Variants in WWOX observed in about 807,000 individuals in gnomAD.
WWOX encodes the protein WW domain-containing oxidoreductase.
A neutral mutation model predicts 46.2 loss-of-function variants in WWOX; 69 were observed. That is an observed-to-expected ratio of 1.49 (90% CI 1.23 to 1.82). WWOX has a LOEUF of 1.82. WWOX is among the 40% of genes most tolerant of loss of function. The probability of loss-of-function intolerance (pLI) is 0.00; values close to 1 mark genes in which losing one functional copy is unlikely to be tolerated. For missense variants in WWOX, 919 were observed against 542.6 expected, an observed-to-expected ratio of 1.69 and a Z score of -6.89; for synonymous variants, 359 against 202.6, an observed-to-expected ratio of 1.77 and a Z score of -6.56.
At chr16:78,172,659 A>G (rs17572451) in intron 5 of WWOX, among the ~76,000 whole-genome samples, 10,206 of 150,870 alleles carry the variant, frequency 0.068, 391 homozygotes, top group Non-Finnish European at 0.094. Context: ...ATATCCATGT[A>G]ACCTTTGTAT....
intron 8 of WWOX, among the ~76,000 whole-genome samples, chr16:78,948,764 G>A (rs761859040): frequency 6.6e-5 from 10 of 152,204 alleles, no homozygotes; most frequent in African/African-American, 1.2e-4. Flanking sequence ...GTGGTGTTAC[G>A]TAACATGACA....
At chr16:78,513,414 G>A (rs966663372) in intron 8 of WWOX, among the ~76,000 whole-genome samples, 4 of 152,180 alleles carry the variant, frequency 2.6e-5, no homozygotes, top group South Asian at 2.1e-4. Flanking sequence ...GGGGGAATCA[G>A]TGAGGCTAGG....
intron 8 of WWOX, among the ~76,000 whole-genome samples, chr16:78,612,647 T>C (rs2045928207): frequency 6.6e-6 from 1 of 152,124 alleles, no homozygotes; most frequent in Admixed American, 6.5e-5. Flanking sequence ...ATTTTTAATT[T>C]TAGTTTCTGT....
chr16:79,014,714 G>T (rs1000049374), intron 8 of WWOX, among the ~76,000 whole-genome samples: 1 of 152,192 alleles, frequency 6.6e-6, no homozygotes, highest in African/African-American at 2.4e-5. Flanking sequence ...CCAAGGCATA[G>T]AAATTGAGTC....
intron 4 of WWOX, among the ~76,000 whole-genome samples, chr16:78,141,414 C>A (rs540332364): frequency 2.0e-5 from 3 of 148,870 alleles, no homozygotes; most frequent in East Asian, 4.1e-4. Context: ...TGGATGTCAA[C>A]CCCACCATCC....
intron 5 of WWOX, among the ~76,000 whole-genome samples, chr16:78,225,277 T>C (rs2037014137): frequency 6.6e-6 from 1 of 152,156 alleles, no homozygotes; most frequent in South Asian, 2.1e-4. Flanking sequence ...CACCTAAACA[T>C]AGAAAAGGTA....
chr16:78,536,940 A>G (rs1270555252), intron 8 of WWOX, among the ~76,000 whole-genome samples: 2 of 136,316 alleles, frequency 1.5e-5, no homozygotes, highest in Admixed American at 8.0e-5. Context: ...TTTGAGAGAG[A>G]GAGTCTCACT....
intron 8 of WWOX, among the ~76,000 whole-genome samples, chr16:79,021,535 A>G (rs762630431): frequency 1.3e-5 from 2 of 152,238 alleles, no homozygotes; most frequent in Non-Finnish European, 2.9e-5. Flanking sequence ...ATTAAAGAAC[A>G]CAGCTCATGG....
chr16:78,387,345 C>G (rs1224819611), intron 6 of WWOX, among the ~76,000 whole-genome samples: 1 of 152,160 alleles, frequency 6.6e-6, no homozygotes, highest in Non-Finnish European at 1.5e-5. Context: ...GGGAGGTTGA[C>G]AATCCAAGCA....
At chr16:78,813,452 A>G (rs1212923726) in intron 8 of WWOX, among the ~76,000 whole-genome samples, 3 of 152,178 alleles carry the variant, frequency 2.0e-5, no homozygotes, top group Non-Finnish European at 4.4e-5. Flanking sequence ...GCTAGAGTCC[A>G]AGATCATCTA....
chr16:78,879,032 A>G (rs372170401), intron 8 of WWOX, among the ~76,000 whole-genome samples: 2 of 152,078 alleles, frequency 1.3e-5, no homozygotes, highest in East Asian at 3.9e-4. Flanking sequence ...GTGTCACTAC[A>G]CTTCACCCTG....
intron 8 of WWOX, among the ~76,000 whole-genome samples, chr16:78,968,926 A>G (rs2046416190): frequency 6.6e-6 from 1 of 152,216 alleles, no homozygotes; most frequent in Non-Finnish European, 1.5e-5. Flanking sequence ...AAAGAAAAAA[A>G]AAAAAGACAA....
chr16:78,928,785 C>A (rs934674006), intron 8 of WWOX, among the ~76,000 whole-genome samples: 2 of 152,054 alleles, frequency 1.3e-5, no homozygotes, highest in African/African-American at 2.4e-5. Context: ...TTTCAGTGAT[C>A]GTGCAAGCCT....
chr16:78,848,638 A>C (rs1244875905), intron 8 of WWOX, among the ~76,000 whole-genome samples: 1 of 152,156 alleles, frequency 6.6e-6, no homozygotes, highest in Non-Finnish European at 1.5e-5. Context: ...GGCCAAATTT[A>C]GCCTAATTAA....
At chr16:78,406,319 TATATATATATATATATATATATATATATA>T (rs1567553342) in intron 6 of WWOX, among the ~76,000 whole-genome samples, 7 of 77,598 alleles carry the variant, frequency 9.0e-5, no homozygotes, top group African/African-American at 7.6e-4. Context: ...TATATATATA[TATATATATATATATATATATATATATATA>T]TATATATTTT....
At chr16:78,262,936 A>G (rs1282584565) in intron 5 of WWOX, among the ~76,000 whole-genome samples, 13 of 152,322 alleles carry the variant, frequency 8.5e-5, no homozygotes. Flanking sequence ...ACTATCAAAC[A>G]ACAAGGAGAG....
intron 8 of WWOX, among the ~76,000 whole-genome samples, chr16:78,736,380 C>T (rs1279977032): frequency 2.0e-5 from 3 of 152,106 alleles, no homozygotes; most frequent in Non-Finnish European, 4.4e-5. Context: ...GTCACAAAAG[C>T]TAGGAAATGG....
chr16:78,476,784 G>A (rs1434248723), intron 8 of WWOX, among the ~76,000 whole-genome samples: 1 of 152,084 alleles, frequency 6.6e-6, no homozygotes, highest in African/African-American at 2.4e-5. Context: ...TAAGGGCTAA[G>A]TAGCCAACAC....
intron 8 of WWOX, among the ~76,000 whole-genome samples, chr16:79,008,838 G>T (rs8056767): frequency 2.6e-5 from 4 of 152,182 alleles, no homozygotes. Flanking sequence ...AGACCAGGGG[G>T]CCCCGATCAG....
Sources: gnomAD v4.1 joint callset for allele counts (sites outside exome capture counted in the v4.1 genomes callset) on GRCh38, gnomAD v4.1.1 for gene constraint, MANE v1.5 for transcripts, NCBI Gene and HGNC (gene_info 2026-07-23, HGNC 2026-07-21) for gene names.